EIF2A: variants seen among roughly 807,000 people sequenced by gnomAD.
EIF2A encodes the protein 65 kDa eukaryotic translation initiation factor 2A.
A neutral mutation model predicts 75.2 loss-of-function variants in EIF2A; 62 were observed. The observed-to-expected ratio is 0.82, with a 90% CI of 0.67 to 1.02. The LOEUF is 1.02. EIF2A is among the 50% of genes least tolerant of loss of function. The pLI is 0.00. For missense variants in EIF2A, 611 were observed against 677.7 expected (o/e 0.90, Z 1.09); for synonymous variants, 207 against 239.0 (o/e 0.87, Z 1.23).
chr3:150,567,994 TA>T lies in EIF2A; in HGVS notation c.644del (p.Asn215IlefsTer23). 1 of 1,613,164 alleles carries T rather than the reference TA, an allele frequency of 6.2e-7. No homozygotes were observed. The highest frequency in any genetic ancestry group is 1.1e-5 in the South Asian group (1 of 90,888). ...NFAGPHAALA[N>X]KSFFKADKVT... The stretch of plus-strand genomic sequence containing the variant: ...TTGCTGGACCTCATGCAGCTTTAGC[TA>T]ATAAAAGTTTCTTTAAGGCAGATAA... On this transcript the variant is annotated frameshift_variant, in exon 8 of 14. Coordinates refer to ENST00000460851, the MANE Select transcript of EIF2A (RefSeq NM_032025.5). LOFTEE classifies it high-confidence loss of function.
chr3:150,558,405 G>A lies in EIF2A; in HGVS notation c.116G>A (p.Cys39Tyr). The A allele has an allele frequency of 6.6e-7, 1 of 1,524,102 alleles. No homozygotes were observed. Among genetic ancestry groups the A allele is most frequent in the Admixed American group, 2.5e-5 (1 of 40,514 alleles). The allele number at this position is 1,524,102 out of a possible 1,614,324, so 94.4% of individuals were successfully genotyped here. A position where few individuals can be genotyped will look rare whatever the true frequency, so the allele number is the denominator to read the frequency against. ...ATTTTCAGGGAATCTGGGAAGAATT[G>A]CAAAGTCTGTATCTTTAGTAAGGAT... Reference protein sequence around the residue: ...TVFPRESGKNCKVCIFSKDGT... With the variant: ...TVFPRESGKNYKVCIFSKDGT... The change falls in exon 3 of 14, where the codon TGC becomes TAC. Residue 39 changes from cysteine to tyrosine, a missense_variant. By Grantham distance (194) the Cys-to-Tyr change is radical. Transcript: ENST00000460851.
At chr3:150,562,362 C>T (rs1196027348) in intron 3 of EIF2A, among the ~76,000 whole-genome samples, 180 bp from the exon 4 acceptor site, 3 of 151,224 alleles carry the variant, frequency 2.0e-5, no homozygotes, top group Non-Finnish European at 1.5e-5. Flanking sequence ...GTGGAGCTTG[C>T]AGTGAGCCGA....
At chr3:150,575,600 G>T in intron 10 of EIF2A, 49 bp from the exon 11 acceptor site, 4 of 1,328,524 alleles carry the variant, frequency 3.0e-6, no homozygotes, top group Non-Finnish European at 4.2e-6. Flanking sequence ...GTTGTTGTAG[G>T]TGTTTACAAC....
intron 3 of EIF2A, among the ~76,000 whole-genome samples, chr3:150,561,758 C>T (rs1215616176): frequency 6.6e-6 from 1 of 151,748 alleles, no homozygotes; most frequent in Non-Finnish European, 1.5e-5. Flanking sequence ...CATTTCCCAG[C>T]ACTAGCCTTA....
At chr3:150,574,497 A>G (rs1724745133) in intron 10 of EIF2A, among the ~76,000 whole-genome samples, 2 of 152,222 alleles carry the variant, frequency 1.3e-5, no homozygotes, top group South Asian at 4.1e-4. Flanking sequence ...GTATAAAACA[A>G]ATGTTCAGCA....
At chr3:150,556,260 A>G (rs962902643) in intron 2 of EIF2A, among the ~76,000 whole-genome samples, 1 of 152,180 alleles carries the variant, frequency 6.6e-6, no homozygotes, top group South Asian at 2.1e-4. Flanking sequence ...AGAGATATTT[A>G]TGTGTCTCCT....
intron 1 of EIF2A, among the ~76,000 whole-genome samples, chr3:150,547,984 C>T (rs1176278410): frequency 2.6e-5 from 4 of 152,136 alleles, no homozygotes; most frequent in African/African-American, 9.7e-5. Flanking sequence ...AAATTACATT[C>T]TAAAATCTGA....
At chr3:150,546,985 G>A (rs1723067052) in intron 1 of EIF2A, 155 bp downstream of exon 1, 5 of 1,010,980 alleles carry the variant, frequency 4.9e-6, no homozygotes, top group Non-Finnish European at 7.2e-6. Flanking sequence ...GATATAGCGT[G>A]GCAATCGGAA....
At chr3:150,556,668 A>T (rs563163126) in intron 2 of EIF2A, among the ~76,000 whole-genome samples, 2 of 152,194 alleles carry the variant, frequency 1.3e-5, no homozygotes, top group Admixed American at 1.3e-4. Context: ...TGATGAGTGC[A>T]TAGGTGGATT....
intron 2 of EIF2A, among the ~76,000 whole-genome samples, chr3:150,556,285 C>T (rs139778840): frequency 8.8e-4 from 134 of 152,250 alleles, no homozygotes; most frequent in African/African-American, 3.0e-3. Flanking sequence ...AGTTATTATA[C>T]AGTAGGAACT....
intron 2 of EIF2A, among the ~76,000 whole-genome samples, chr3:150,555,682 A>T (rs1723524943): frequency 6.6e-6 from 1 of 151,952 alleles, no homozygotes; most frequent in Admixed American, 6.6e-5. Flanking sequence ...TGAGCCCAGG[A>T]GTTCAGGATG....
chr3:150,575,658 G>A lies in EIF2A; in HGVS notation c.1393G>A (p.Glu465Lys). Residue 465 changes from glutamate to lysine, a missense_variant, in exon 11 of 14, where the codon GAA becomes AAA. Coordinates refer to ENST00000460851, the MANE Select transcript of EIF2A (RefSeq NM_032025.5). Reference sequence around the variant, plus strand: ...TTTACATTTTCCATAGCATGAAGAGGAACCACCTCAGAATATGAAACCACA... The same window carrying A: ...TTTACATTTTCCATAGCATGAAGAGAAACCACCTCAGAATATGAAACCACA... ...PITNSKLHEE[E>K]PPQNMKPQSG... 2 of 1,607,040 alleles carry A rather than the reference G, an allele frequency of 1.2e-6. No homozygotes were observed. The highest frequency in any genetic ancestry group is 1.7e-6 in the Non-Finnish European group (2 of 1,177,802).
chr3:150,581,668 G>A lies in EIF2A; in HGVS notation c.1548G>A (p.Gln516=). ...SPDLAPTPAP[Q]STPRNTVSQS... ...ATTTGGCACCTACTCCTGCCCCACA[G>A]AGCACACCACGAAACACTGTCTCTC... The change falls in exon 12 of 14, where the codon CAG becomes CAA. Residue 516 remains glutamine, a synonymous_variant. Coordinates refer to ENST00000460851, the MANE Select transcript of EIF2A (RefSeq NM_032025.5). The A allele has an allele frequency of 1.3e-6, 2 of 1,552,418 alleles. No individual in the cohort carries two copies. The highest frequency in any genetic ancestry group is 2.0e-5 in the Admixed American group (1 of 51,054).
At chr3:150,581,567 C>G (rs1725175787) in intron 11 of EIF2A, 51 bp from the exon 12 acceptor site, 1 of 1,538,628 alleles carries the variant, frequency 6.5e-7, no homozygotes, top group African/African-American at 1.4e-5. Flanking sequence ...GATTTAAATA[C>G]TGTAATGTTT....
At chr3:150,583,792 G>A in intron 13 of EIF2A, 54 bp from the exon 14 acceptor site, 1 of 1,525,674 alleles carries the variant, frequency 6.6e-7, no homozygotes, top group South Asian at 1.2e-5. Flanking sequence ...TATTATTTTG[G>A]TTACATATCC....
chr3:150,574,803 A>G (rs1204662648), intron 10 of EIF2A, among the ~76,000 whole-genome samples: 6 of 152,256 alleles, frequency 3.9e-5, no homozygotes, highest in South Asian at 2.1e-4. Context: ...CTAGTACTCA[A>G]GAAACTTCAT....
At chr3:150,562,164 T>C (rs1425163949) in intron 3 of EIF2A, among the ~76,000 whole-genome samples, 1 of 152,076 alleles carries the variant, frequency 6.6e-6, no homozygotes, top group African/African-American at 2.4e-5. Context: ...GGCTCACGCC[T>C]GTAATCCCAG....
At position 150,583,249 on chromosome 3, in the gene EIF2A, A is replaced by G. The variant is rs1202101244; in HGVS notation, c.1676A>G (p.Gln559Arg). ...AAAGAACAAGCAGCAACTGGAAAAC[A>G]GCTAGAAAAAAATCAGGTACTTTCT... ...QLKEQAATGKQLEKNQLEKIQ... is the reference protein window; with the variant it reads ...QLKEQAATGKRLEKNQLEKIQ... Residue 559 changes from glutamine to arginine, a missense_variant, in exon 13 of 14, where the codon CAG becomes CGG. Transcript: ENST00000460851. The G allele has an allele frequency of 1.2e-6, 2 of 1,613,264 alleles. No individual in the cohort carries two copies. The highest frequency in any genetic ancestry group is 1.7e-6 in the Non-Finnish European group (2 of 1,179,636).
chr3:150,583,222 T>C lies in EIF2A; in HGVS notation c.1649T>C (p.Leu550Pro). The C allele has an allele frequency of 1.2e-6, 2 of 1,613,090 alleles. No homozygotes were observed. The highest frequency in any genetic ancestry group is 1.7e-6 in the Non-Finnish European group (2 of 1,179,572). The change falls in exon 13 of 14, where the codon CTG (leucine) becomes CCG (proline). Residue 550 changes from leucine (L) to proline (P), a missense_variant. Transcript: ENST00000460851. ...CAGAAACTGAAAGCAATCGAACAACTGAAAGAACAAGCAGCAACTGGAAAA... is the reference window on the plus strand; with the variant it reads ...CAGAAACTGAAAGCAATCGAACAACCGAAAGAACAAGCAGCAACTGGAAAA... ...LKKKLKAIEQLKEQAATGKQL... is the reference protein window; with the variant it reads ...LKKKLKAIEQPKEQAATGKQL...
Sources: allele counts gnomAD v4.1 joint callset (sites outside exome capture counted in the v4.1 genomes callset), GRCh38; gene constraint gnomAD v4.1.1; transcripts MANE v1.5; gene names NCBI Gene and HGNC (gene_info 2026-07-23, HGNC 2026-07-21).